The following MAGI1 variants were observed in gnomAD, a reference collection of about 807,000 sequenced individuals.
The protein encoded by MAGI1 is membrane-associated guanylate kinase, WW and PDZ domain-containing protein 1.
In MAGI1, 58 loss-of-function variants were observed where a neutral mutation model predicts 139.9. The observed-to-expected ratio is 0.41, with a 90% CI of 0.34 to 0.52. The LOEUF (loss-of-function observed/expected upper bound fraction) is 0.52. MAGI1 is among the 20% of genes least tolerant of loss of function. MAGI1 has a pLI of 0.12. For synonymous variants in MAGI1, 812 were observed against 737.9 expected (o/e 1.10, Z -1.63); for missense variants, 1,874 against 1,901.6 (o/e 0.99, Z 0.27).
chr3:65,640,632 T>C (rs889841058), intron 1 of MAGI1, among the ~76,000 whole-genome samples: 6 of 152,220 alleles, frequency 3.9e-5, no homozygotes, highest in African/African-American at 1.4e-4. Context: ...GGAAGGAAGC[T>C]GAAGAGTTCA....
chr3:65,496,794 G>T (rs1952489583), intron 2 of MAGI1, among the ~76,000 whole-genome samples: 1 of 152,172 alleles, frequency 6.6e-6, no homozygotes, highest in Admixed American at 6.5e-5. Context: ...CATGTCATAG[G>T]TAAGTATCCT....
intron 2 of MAGI1, among the ~76,000 whole-genome samples, chr3:65,520,509 A>G (rs1524971): frequency 1 from 151,748 of 152,300 alleles, 75,600 homozygotes; most frequent in Middle Eastern, 1. Flanking sequence ...TTCTTGAGAT[A>G]TTGTGAGGTT....
chr3:65,555,472 C>A (rs1355077524), intron 2 of MAGI1, among the ~76,000 whole-genome samples: 1 of 152,080 alleles, frequency 6.6e-6, no homozygotes, highest in Admixed American at 6.6e-5. Context: ...GAGGTGAGCT[C>A]CTATGTCCAA....
chr3:65,587,713 C>T (rs955812213), intron 2 of MAGI1, among the ~76,000 whole-genome samples: 1 of 151,986 alleles, frequency 6.6e-6, no homozygotes, highest in Non-Finnish European at 1.5e-5. Flanking sequence ...AACTCCTGAG[C>T]TCAAGCAATC....
intron 1 of MAGI1, among the ~76,000 whole-genome samples, chr3:65,896,935 T>C (rs1209601507): frequency 6.6e-6 from 1 of 152,100 alleles, no homozygotes; most frequent in Non-Finnish European, 1.5e-5. Context: ...CCCCTCCATA[T>C]CCGAGAAAAA....
At chr3:65,643,437 A>G (rs1457683590) in intron 1 of MAGI1, among the ~76,000 whole-genome samples, 2 of 152,192 alleles carry the variant, frequency 1.3e-5, no homozygotes, top group African/African-American at 4.8e-5. Context: ...GATAGGGCAG[A>G]CATACCTTTC....
intron 1 of MAGI1, among the ~76,000 whole-genome samples, chr3:65,820,523 G>T (rs77009166): frequency 6.6e-6 from 1 of 152,024 alleles, no homozygotes; most frequent in Non-Finnish European, 1.5e-5. Context: ...CACATTAGGC[G>T]TCCTTAATCT....
intron 2 of MAGI1, among the ~76,000 whole-genome samples, chr3:65,529,303 A>C (rs2078528090): frequency 6.6e-6 from 1 of 152,128 alleles, no homozygotes; most frequent in South Asian, 2.1e-4. Context: ...CATCATCACT[A>C]TCTAGTTCTG....
At chr3:65,594,544 C>T (rs939430647) in intron 2 of MAGI1, among the ~76,000 whole-genome samples, 1 of 152,324 alleles carries the variant, frequency 6.6e-6, no homozygotes, top group South Asian at 2.1e-4. Flanking sequence ...TAATGGCTGG[C>T]ATTGTTGCTT....
At position 65,412,436 on chromosome 3, in the gene MAGI1, C is replaced by T. The variant is rs553754223; in HGVS notation, c.2168-10966G>A. 1.1e-4 allele frequency among the ~76,000 whole-genome samples: 16 copies of T among 152,296 alleles called. No individual in the cohort carries two copies. In the East Asian group the frequency reaches 2.7e-3, roughly 26 times the overall value. On this transcript the variant is annotated intron_variant, in intron 12 of 22. Coordinates refer to ENST00000402939, the MANE Select transcript of MAGI1 (RefSeq NM_001033057.2). ...GTGTCTTTGTTTTCATTGAGCCTATCACTCTCTAAAATGACCTTGTTTACT... is the reference window on the plus strand; with the variant it reads ...GTGTCTTTGTTTTCATTGAGCCTATTACTCTCTAAAATGACCTTGTTTACT...
At chr3:65,473,479 G>C (rs1255156167) in intron 4 of MAGI1, among the ~76,000 whole-genome samples, 1 of 152,012 alleles carries the variant, frequency 6.6e-6, no homozygotes, top group Non-Finnish European at 1.5e-5. Context: ...TTTTCAATTA[G>C]GAGGCAGTAA....
At chr3:65,476,639 G>T (rs1950908120) in intron 4 of MAGI1, among the ~76,000 whole-genome samples, 1 of 152,008 alleles carries the variant, frequency 6.6e-6, no homozygotes, top group Non-Finnish European at 1.5e-5. Context: ...AAGCTTCTTG[G>T]GGACCACCCA....
At chr3:65,982,951 C>T (rs769855170) in intron 1 of MAGI1, among the ~76,000 whole-genome samples, 2 of 152,018 alleles carry the variant, frequency 1.3e-5, no homozygotes, top group Non-Finnish European at 2.9e-5. Context: ...ACAGGCTCTC[C>T]CTCCGTCACC....
intron 1 of MAGI1, among the ~76,000 whole-genome samples, chr3:65,834,971 T>C (rs953581345): frequency 6.6e-6 from 1 of 152,222 alleles, no homozygotes; most frequent in Non-Finnish European, 1.5e-5. Context: ...CTGCCTATAT[T>C]GTTTCATTTG....
chr3:65,863,120 T>A (rs1312399257), intron 1 of MAGI1, among the ~76,000 whole-genome samples: 1 of 152,172 alleles, frequency 6.6e-6, no homozygotes, highest in Non-Finnish European at 1.5e-5. Flanking sequence ...CAGAGTTCCT[T>A]CTATCAGAAA....
intron 1 of MAGI1, among the ~76,000 whole-genome samples, chr3:65,943,062 A>G (rs2063387251): frequency 6.6e-6 from 1 of 152,204 alleles, no homozygotes. Context: ...TACTGTTTAT[A>G]TATAGCAAGT....
At chr3:65,859,572 T>C (rs988520719) in intron 1 of MAGI1, among the ~76,000 whole-genome samples, 2 of 151,522 alleles carry the variant, frequency 1.3e-5, no homozygotes, top group South Asian at 2.1e-4. Context: ...CTATTAAAAA[T>C]ACAAAAAATA....
chr3:65,773,750 C>G (rs574216414), intron 1 of MAGI1, among the ~76,000 whole-genome samples: 1 of 152,300 alleles, frequency 6.6e-6, no homozygotes, highest in Admixed American at 6.5e-5. Flanking sequence ...TAACTGTACT[C>G]TAATTTGCTT....
At chr3:65,469,320 TA>T (rs112190267) in intron 5 of MAGI1, among the ~76,000 whole-genome samples, 39 of 152,270 alleles carry the variant, frequency 2.6e-4, no homozygotes, top group South Asian at 6.2e-4. Context: ...GTATTTTTTT[TA>T]AATTTAATCA....
Sources: allele counts gnomAD v4.1 joint callset (sites outside exome capture counted in the v4.1 genomes callset), GRCh38; gene constraint gnomAD v4.1.1; transcripts MANE v1.5; gene names NCBI Gene and HGNC (gene_info 2026-07-23, HGNC 2026-07-21).